Variants in ABCC11 observed in about 807,000 individuals in gnomAD.
The protein encoded by ABCC11 is ATP binding cassette subfamily C member 11.
Under a neutral mutation model 149.3 loss-of-function variants are expected in ABCC11, and 135 were observed. The ratio of observed to expected loss-of-function variants is 0.90; its 90% CI spans 0.79 to 1.04. ABCC11 has a LOEUF of 1.04. Among genes scored for constraint, ABCC11 ranks in the 50% least tolerant of loss-of-function variants. The probability of loss-of-function intolerance (pLI) is 0.00; values close to 1 mark genes in which losing one functional copy is unlikely to be tolerated. For synonymous variants in ABCC11, 665 were observed against 671.4 expected (o/e 0.99, Z 0.15); for missense variants, 1,680 against 1,722.1 (o/e 0.98, Z 0.43).
chr16:48,166,520 T>C lies in ABCC11; in HGVS notation c.*754A>G, dbSNP rs772264833. Among the ~76,000 whole-genome samples, 1 of 152,182 alleles carries C rather than the reference T, an allele frequency of 6.6e-6. No individual in the cohort carries two copies. Among genetic ancestry groups the C allele is most frequent in the Admixed American group, 6.5e-5 (1 of 15,276 alleles). On this transcript the variant is annotated 3_prime_UTR_variant, in exon 30 of 30. Transcript: ENST00000356608. ...CAAGACCAACAAACTCTTTTTTTTT[T>C]CCAAAGTTAGTTTGAGGGAGTCTCT...
At chr16:48,173,520 A>T (rs1965845566) in intron 26 of ABCC11, among the ~76,000 whole-genome samples, 1 of 152,232 alleles carries the variant, frequency 6.6e-6, no homozygotes, top group Admixed American at 6.5e-5. Context: ...ACTACTCTTC[A>T]TATCAACGCA....
chr16:48,174,548 CAGA>C lies in ABCC11; in HGVS notation c.3698+707_3698+709del, dbSNP rs202243132. Among the ~76,000 whole-genome samples, 887 of 152,324 alleles carry C rather than the reference CAGA, an allele frequency of 5.8e-3. 7 individuals carry two copies. Among genetic ancestry groups the C allele is most frequent in the Middle Eastern group, 0.01 (3 of 294 alleles). ...GTCCCTGAGTTGACTTCTGAGGACA[CAGA>C]AAGTGTAGTGAAGAGGCTGGAAGAT... is the stretch of plus-strand genomic sequence containing the variant. On this transcript the variant is annotated intron_variant, in intron 26 of 29. Coordinates refer to ENST00000356608, the MANE Select transcript of ABCC11 (RefSeq NM_001370497.1).
chr16:48,222,973 C>T (rs190899792), intron 5 of ABCC11, 142 bp from the exon 6 acceptor site: 4 of 739,336 alleles, frequency 5.4e-6, no homozygotes, highest in Admixed American at 5.4e-5. Context: ...ACAATCCTGC[C>T]CTCAAGAAGG....
At chr16:48,241,097 G>A (rs1970946124) in intron 1 of ABCC11, among the ~76,000 whole-genome samples, 1 of 152,144 alleles carries the variant, frequency 6.6e-6, no homozygotes, top group African/African-American at 2.4e-5. Flanking sequence ...ACCACACCTG[G>A]CTAATTTTCT....
chr16:48,246,192 G>T (rs1852655866), intron 1 of ABCC11, among the ~76,000 whole-genome samples: 1 of 151,948 alleles, frequency 6.6e-6, no homozygotes, highest in African/African-American at 2.4e-5. Flanking sequence ...CATTTATATT[G>T]TAAAAGCCTT....
chr16:48,185,074 A>G (rs1241384333), intron 22 of ABCC11, among the ~76,000 whole-genome samples: 1 of 152,214 alleles, frequency 6.6e-6, no homozygotes, highest in African/African-American at 2.4e-5. Flanking sequence ...AGGTAAAATA[A>G]CACCATGGAA....
At chr16:48,193,803 G>A (rs1967132708) in intron 19 of ABCC11, 76 bp downstream of exon 19, 3 of 1,201,830 alleles carry the variant, frequency 2.5e-6, no homozygotes, top group Non-Finnish European at 2.4e-6. Context: ...TGGCTCTTGT[G>A]GTCTCAAGGA....
At chr16:48,205,024 C>T (rs1228251409) in intron 13 of ABCC11, among the ~76,000 whole-genome samples, 1 of 152,172 alleles carries the variant, frequency 6.6e-6, no homozygotes, top group African/African-American at 2.4e-5. Context: ...CATTTGTTTT[C>T]CTTTTCACTT....
chr16:48,184,449 G>A lies in ABCC11; in HGVS notation c.3249C>T (p.Ile1083=), dbSNP rs760237053. The change falls in exon 23 of 30, where the codon ATC becomes ATT. Residue 1083 remains isoleucine, a synonymous_variant. Transcript: ENST00000356608. The stretch of plus-strand genomic sequence containing the variant: ...AGAGTCACCCCCTCACCTGCAGCAC[G>A]ATGTTGACAGCCATGACTTTAAAGG... ...PYSFKVMAVN[I]VLQLASSFQA... The A allele has an allele frequency of 8.7e-6, 14 of 1,613,938 alleles. No homozygotes were observed. In the East Asian group the frequency reaches 2.0e-4, roughly 23 times the overall value.
At chr16:48,193,624 C>T (rs1967115265) in intron 19 of ABCC11, among the ~76,000 whole-genome samples, 1 of 152,190 alleles carries the variant, frequency 6.6e-6, no homozygotes, top group Non-Finnish European at 1.5e-5. Context: ...ATTCTTGGGG[C>T]ACTGTCTGGG....
In ABCC11 at chr16:48,213,458, T is replaced by C; in HGVS notation, c.1341A>G (p.Ala447=). The part of the protein sequence containing the change: ...AVKGLTNSKS[A]VMRFKKFFLQ... ...GATGACCTACCTTGAACCTCATCAC[T>C]GCAGACTTGGAATTCGTGAGACCTT... is the stretch of plus-strand genomic sequence containing the variant. The change falls in exon 10 of 30, where the codon GCA becomes GCG. Residue 447 remains alanine, a synonymous_variant. Coordinates refer to ENST00000356608, the MANE Select transcript of ABCC11 (RefSeq NM_001370497.1). 3 of 1,612,610 alleles carry C rather than the reference T, an allele frequency of 1.9e-6. No individual in the cohort carries two copies. Among genetic ancestry groups the C allele is most frequent in the Non-Finnish European group, 2.5e-6 (3 of 1,179,248 alleles).
chr16:48,236,116 T>C (rs1450515436), intron 1 of ABCC11, among the ~76,000 whole-genome samples: 1 of 152,216 alleles, frequency 6.6e-6, no homozygotes, highest in African/African-American at 2.4e-5. Context: ...GCTATTTAAC[T>C]TTCTCTGCTC....
chr16:48,205,639 C>G, intron 12 of ABCC11, 102 bp from the exon 13 acceptor site: 1 of 1,452,572 alleles, frequency 6.9e-7, no homozygotes, highest in Non-Finnish European at 9.2e-7. Flanking sequence ...CCTCCAGGAC[C>G]TTGGGGGCTC....
At chr16:48,181,354 C>A (rs1966421127) in intron 23 of ABCC11, among the ~76,000 whole-genome samples, 2 of 152,258 alleles carry the variant, frequency 1.3e-5, no homozygotes, top group East Asian at 1.9e-4. Flanking sequence ...ACGCTCTAAG[C>A]CCTAAGTTTT....
Position 48,227,950 on chromosome 16 carries a change from T to TG in ABCC11, c.250dup (p.Gln84ProfsTer31), listed in dbSNP as rs1567286335. Reference sequence around the variant, plus strand: ...GAACAGGCCAGCATTGTCCAGGGGCTGGGGGGCAGGAAACCTAGTAGAGGG... The same window carrying TG: ...GAACAGGCCAGCATTGTCCAGGGGCTGGGGGGGCAGGAAACCTAGTAGAGGG... On this transcript the variant is annotated frameshift_variant, in exon 4 of 30. Coordinates refer to ENST00000356608, the MANE Select transcript of ABCC11 (RefSeq NM_001370497.1). LOFTEE classifies it high-confidence loss of function. The TG allele has an allele frequency of 3.7e-6, 6 of 1,612,186 alleles. No individual in the cohort carries two copies. Among genetic ancestry groups the TG allele is most frequent in the South Asian group, 1.1e-5 (1 of 90,940 alleles).
intron 6 of ABCC11, among the ~76,000 whole-genome samples, chr16:48,221,032 G>A (rs1467303597): frequency 6.6e-6 from 1 of 152,208 alleles, no homozygotes; most frequent in South Asian, 2.1e-4. Context: ...CTTGAAGGAT[G>A]AGTGGGATTT....
intron 4 of ABCC11, among the ~76,000 whole-genome samples, chr16:48,224,968 A>G (rs1969975548): frequency 6.6e-6 from 1 of 152,108 alleles, no homozygotes; most frequent in African/African-American, 2.4e-5. Context: ...AGTTGCAGTA[A>G]GCCGAGATCA....
intron 26 of ABCC11, among the ~76,000 whole-genome samples, chr16:48,173,963 A>T (rs1456118633): frequency 6.6e-6 from 1 of 152,104 alleles, no homozygotes; most frequent in Admixed American, 6.6e-5. Context: ...GTCTGTGCAC[A>T]TATTGTTCCT....
intron 19 of ABCC11, among the ~76,000 whole-genome samples, chr16:48,193,261 T>G (rs1967085222): frequency 6.6e-6 from 1 of 152,118 alleles, no homozygotes; most frequent in Non-Finnish European, 1.5e-5. Flanking sequence ...CTCTAAATAC[T>G]TAGAGTGGCT....
Sources: gnomAD v4.1 joint callset for allele counts (sites outside exome capture counted in the v4.1 genomes callset) on GRCh38, gnomAD v4.1.1 for gene constraint, MANE v1.5 for transcripts, NCBI Gene and HGNC (gene_info 2026-07-23, HGNC 2026-07-21) for gene names.